Variants in DNM3 observed in about 807,000 individuals in gnomAD.
The protein encoded by DNM3 is dynamin-3.
A neutral mutation model predicts 101.6 loss-of-function variants in DNM3; 47 were observed. The ratio of observed to expected loss-of-function variants is 0.46; its 90% CI spans 0.37 to 0.59. The LOEUF (loss-of-function observed/expected upper bound fraction) is 0.59, where lower values mean the gene tolerates loss of function less well. Ranked by LOEUF, DNM3 falls within the 20% of genes least tolerant of loss-of-function variation. The pLI is 0.00. For missense variants in DNM3, 849 were observed against 1,085.7 expected (o/e 0.78, Z 3.06); for synonymous variants, 385 against 387.9 (o/e 0.99, Z 0.09).
chr1:172,048,568 T>A, intron 9 of DNM3, 44 bp from the exon 10 acceptor site: 1 of 1,562,726 alleles, frequency 6.4e-7, no homozygotes, highest in Non-Finnish European at 8.6e-7. Context: ...TGAATATTAC[T>A]CAATTAAAAA....
At chr1:172,027,617 C>CAGAGAG (rs1553340555) in intron 4 of DNM3, among the ~76,000 whole-genome samples, 1 of 147,016 alleles carries the variant, frequency 6.8e-6, no homozygotes, top group African/African-American at 2.6e-5. Flanking sequence ...CACACACACA[C>CAGAGAG]AGAGAGAGAG....
intron 14 of DNM3, among the ~76,000 whole-genome samples, chr1:172,170,904 T>C (rs1381333145): frequency 6.6e-6 from 1 of 151,774 alleles, no homozygotes; most frequent in Non-Finnish European, 1.5e-5. Context: ...CATTTTATAC[T>C]AAACTAAAAA....
At chr1:171,854,196 C>G (rs950733171) in intron 1 of DNM3, among the ~76,000 whole-genome samples, 3 of 152,118 alleles carry the variant, frequency 2.0e-5, no homozygotes, top group Non-Finnish European at 4.4e-5. Context: ...TTCTGTGGAG[C>G]CTGACTCCCT....
intron 20 of DNM3, 88 bp from the exon 21 acceptor site, chr1:172,407,684 G>A: frequency 1.5e-6 from 2 of 1,354,292 alleles, no homozygotes; most frequent in South Asian, 1.2e-5. Flanking sequence ...ATGAGCATGT[G>A]TGTAATGGCT....
chr1:172,316,102 G>C (rs1374896543), intron 16 of DNM3, among the ~76,000 whole-genome samples: 2 of 152,098 alleles, frequency 1.3e-5, no homozygotes, highest in Non-Finnish European at 2.9e-5. Context: ...TTAAAGAAAA[G>C]AATTTTCAAC....
intron 1 of DNM3, among the ~76,000 whole-genome samples, chr1:171,875,498 G>C (rs1035584312): frequency 6.6e-6 from 1 of 152,168 alleles, no homozygotes; most frequent in African/African-American, 2.4e-5. Context: ...ACATAAGTTA[G>C]ATTTGGCATC....
At chr1:172,295,441 G>A (rs761205845) in intron 15 of DNM3, among the ~76,000 whole-genome samples, 10 of 152,156 alleles carry the variant, frequency 6.6e-5, no homozygotes, top group Non-Finnish European at 1.3e-4. Flanking sequence ...AGTATTTCTA[G>A]ATAGATTAGC....
chr1:172,226,973 T>A (rs754773618), intron 14 of DNM3, among the ~76,000 whole-genome samples: 2 of 151,802 alleles, frequency 1.3e-5, no homozygotes, highest in African/African-American at 2.4e-5. Context: ...GATTGTATAG[T>A]GTGAAGTTGG....
chr1:172,178,721 A>G (rs1572846085), intron 14 of DNM3, among the ~76,000 whole-genome samples: 1 of 151,990 alleles, frequency 6.6e-6, no homozygotes, highest in East Asian at 1.9e-4. Context: ...AGCTGATGTT[A>G]CAGAGATATC....
chr1:172,308,902 C>T (rs762417954), intron 16 of DNM3, 63 bp downstream of exon 16: 2 of 941,952 alleles, frequency 2.1e-6, no homozygotes, highest in Non-Finnish European at 1.6e-6. Context: ...AATATTAATC[C>T]TACATACCAT....
chr1:171,888,076 CT>C (rs1202447742), intron 1 of DNM3, among the ~76,000 whole-genome samples: 13 of 143,616 alleles, frequency 9.1e-5, no homozygotes, highest in Non-Finnish European at 1.4e-4. Flanking sequence ...TTTTTTTAGT[CT>C]TTTTTTTTCT....
downstream of DNM3, among the ~76,000 whole-genome samples, chr1:172,413,084 G>A (rs2149141011): frequency 6.6e-6 from 1 of 152,282 alleles, no homozygotes; most frequent in African/African-American, 2.4e-5. Context: ...GTGGAAGGAG[G>A]AAAGATGGTG....
chr1:172,084,679 A>G (rs2053406874), intron 12 of DNM3, among the ~76,000 whole-genome samples: 1 of 152,200 alleles, frequency 6.6e-6, no homozygotes, highest in African/African-American at 2.4e-5. Flanking sequence ...TCAAGGAAGA[A>G]AAGTCAAGCC....
In DNM3 at chr1:172,122,658, G is replaced by T. The variant is rs567844440; in HGVS notation, c.1546-8517G>T. On this transcript the variant is annotated intron_variant, in intron 13 of 20. Coordinates refer to ENST00000627582, the MANE Select transcript of DNM3 (RefSeq NM_015569.5). The stretch of plus-strand genomic sequence containing the variant: ...GAAAATGGATTGCTTCCAATTGCTT[G>T]CCATTAGATGCCATACTGTAGCCAA... Among the ~76,000 whole-genome samples, 8 of 152,250 alleles carry T rather than the reference G, an allele frequency of 5.3e-5. No homozygotes were observed. The South Asian group carries it at 1.7e-3, about 32-fold the overall frequency.
At chr1:171,974,284 T>C (rs925837929) in intron 2 of DNM3, among the ~76,000 whole-genome samples, 1 of 152,214 alleles carries the variant, frequency 6.6e-6, no homozygotes, top group Non-Finnish European at 1.5e-5. Flanking sequence ...ATCTATATTA[T>C]TCATATTAAG....
chr1:172,340,779 T>C (rs571125774), intron 17 of DNM3, among the ~76,000 whole-genome samples: 1 of 152,160 alleles, frequency 6.6e-6, no homozygotes, highest in Non-Finnish European at 1.5e-5. Context: ...CTCTTCCTAT[T>C]TGGATATCTT....
chr1:172,240,640 A>ATGTT (rs1404493344), intron 14 of DNM3, among the ~76,000 whole-genome samples: 1 of 152,176 alleles, frequency 6.6e-6, no homozygotes, highest in Non-Finnish European at 1.5e-5. Flanking sequence ...GTGCACTCAA[A>ATGTT]AGCTGTTACA....
intron 13 of DNM3, among the ~76,000 whole-genome samples, chr1:172,104,642 A>C (rs2054884614): frequency 6.6e-6 from 1 of 151,988 alleles, no homozygotes; most frequent in Non-Finnish European, 1.5e-5. Flanking sequence ...TCTTGAGGTA[A>C]AGTTTTAAAA....
chr1:172,378,850 C>T (rs2068745978), intron 17 of DNM3, among the ~76,000 whole-genome samples, 168 bp from the exon 18 acceptor site: 1 of 151,946 alleles, frequency 6.6e-6, no homozygotes, highest in African/African-American at 2.4e-5. Flanking sequence ...ACGGCAGGTT[C>T]CCCCATCTCC....
Sources: gnomAD v4.1 joint callset for allele counts (sites outside exome capture counted in the v4.1 genomes callset) on GRCh38, gnomAD v4.1.1 for gene constraint, MANE v1.5 for transcripts, NCBI Gene and HGNC (gene_info 2026-07-23, HGNC 2026-07-21) for gene names.